Variants in GNG2 observed in about 807,000 individuals in gnomAD.
GNG2 encodes the protein G protein subunit gamma 2, also known as guanine nucleotide-binding protein G(I)/G(S)/G(O) subunit gamma-2.
A neutral mutation model predicts 5.5 loss-of-function variants in GNG2; 5 were observed. That is an observed-to-expected ratio of 0.91 (90% CI 0.48 to 1.92). The LOEUF (loss-of-function observed/expected upper bound fraction) is 1.92. Among genes scored for constraint, GNG2 ranks in the 30% most tolerant of loss-of-function variants. The probability of loss-of-function intolerance (pLI) is 0.01; values close to 1 mark genes in which losing one functional copy is unlikely to be tolerated. For synonymous variants in GNG2, 28 were observed against 32.0 expected, an observed-to-expected ratio of 0.88 and a Z score of 0.42; for missense variants, 55 against 88.4, an observed-to-expected ratio of 0.62 and a Z score of 1.52.
At chr14:51,884,749 G>A (rs1267811794) in intron 2 of GNG2, among the ~76,000 whole-genome samples, 1 of 152,182 alleles carries the variant, frequency 6.6e-6, no homozygotes, top group Non-Finnish European at 1.5e-5. Flanking sequence ...CTCCTCAGTG[G>A]CTATTCTGTT....
rs1251592728 is a variant in GNG2, at chr14:51,950,729, G to A, written c.51G>A (p.Glu17=). ...ASIAQARKLV[E]QLKMEANIDR... Reference sequence around the variant, plus strand: ...TAGCACAAGCCAGGAAGCTGGTAGAGCAGCTTAAGATGGAAGCCAATATCG... The same window carrying A: ...TAGCACAAGCCAGGAAGCTGGTAGAACAGCTTAAGATGGAAGCCAATATCG... Residue 17 remains glutamate, a synonymous_variant, in exon 3 of 4, where the codon GAG becomes GAA. Transcript: ENST00000556766. The A allele has an allele frequency of 1.2e-6, 2 of 1,611,608 alleles. No individual in the cohort carries two copies.
At chr14:51,890,416 A>G (rs1438752258) in intron 2 of GNG2, among the ~76,000 whole-genome samples, 1 of 152,218 alleles carries the variant, frequency 6.6e-6, no homozygotes, top group Non-Finnish European at 1.5e-5. Context: ...AAAGAAAGGT[A>G]TTCTTAACCC....
rs1323642411 is a variant in GNG2, at chr14:51,918,036, C to T, written c.-29-32614C>T. ...GAGAGACTCCATCTCAAAAAACAAACCAAAAAAAAAAAAAAAAACTGATAA... is the reference window on the plus strand; with the variant it reads ...GAGAGACTCCATCTCAAAAAACAAATCAAAAAAAAAAAAAAAAACTGATAA... On this transcript the variant is annotated intron_variant, in intron 2 of 3. Transcript: ENST00000556766. Among the ~76,000 whole-genome samples the T allele has an allele frequency of 1.7e-5, 2 of 116,028 alleles. 1 individual carries two copies. Among genetic ancestry groups the T allele is most frequent in the South Asian group, 5.4e-4 (2 of 3,736 alleles). 76.1% of individuals were successfully genotyped at this position (116,028 alleles called of 152,430 possible).
intron 2 of GNG2, among the ~76,000 whole-genome samples, chr14:51,944,740 G>T (rs1216303706): frequency 6.6e-6 from 1 of 152,168 alleles, no homozygotes; most frequent in Non-Finnish European, 1.5e-5. Flanking sequence ...CATTGAATTT[G>T]TATATAACAC....
chr14:51,933,143 A>G (rs1199757397), intron 2 of GNG2, among the ~76,000 whole-genome samples: 1 of 152,138 alleles, frequency 6.6e-6, no homozygotes, highest in Non-Finnish European at 1.5e-5. Flanking sequence ...CTGATTTCAA[A>G]CTCTAGCTTC....
intron 2 of GNG2, among the ~76,000 whole-genome samples, chr14:51,832,310 T>C (rs1594828047): frequency 6.6e-6 from 1 of 150,932 alleles, no homozygotes; most frequent in Non-Finnish European, 1.5e-5. Flanking sequence ...AAGAAAAAGA[T>C]GGCAAAGCTA....
chr14:51,945,864 C>T (rs1038195661), intron 2 of GNG2, among the ~76,000 whole-genome samples: 1 of 151,800 alleles, frequency 6.6e-6, no homozygotes, highest in Non-Finnish European at 1.5e-5. Context: ...AGGTAAACAT[C>T]GGAATGGGTT....
At chr14:51,845,785 G>A (rs1435356688) in intron 2 of GNG2, among the ~76,000 whole-genome samples, 1 of 152,132 alleles carries the variant, frequency 6.6e-6, no homozygotes, top group Non-Finnish European at 1.5e-5. Context: ...TTCCCCATCT[G>A]CACTTTTTAC....
At position 51,906,054 on chromosome 14, in the gene GNG2, A is replaced by G. The variant is rs542263529; in HGVS notation, c.-30+28397A>G. On this transcript the variant is annotated intron_variant, in intron 2 of 3. Transcript: ENST00000556766. The stretch of plus-strand genomic sequence containing the variant: ...CCCTTCGGTACAACAGAGAACTGAA[A>G]CAGATAGCATTTTCCTTCTTCACCC... Among the ~76,000 whole-genome samples, 98 of 152,316 alleles carry G rather than the reference A, an allele frequency of 6.4e-4. 3 individuals carry two copies. In the South Asian group the frequency reaches 0.019, roughly 30 times the overall value.
chr14:51,827,604 C>G lies in GNG2; in HGVS notation c.-76-64C>G, dbSNP rs1000009935. ...CTAGCTCAGCTTTGAGACTTGAGGT[C>G]AAATAATTAAAGCTGTGATTAGTGT... On this transcript the variant is annotated intron_variant, in intron 1 of 3. Transcript: ENST00000553432. The G allele has an allele frequency of 1.7e-5, 11 of 664,416 alleles. No individual in the cohort carries two copies. In the African/African-American group the frequency reaches 2.0e-4, roughly 12 times the overall value. 41.2% of individuals were successfully genotyped at this position (664,416 alleles called of 1,614,324 possible). A position where few individuals can be genotyped will look rare whatever the true frequency, so the allele number is the denominator to read the frequency against.
chr14:51,880,182 C>A (rs543155008), intron 2 of GNG2, among the ~76,000 whole-genome samples: 3 of 152,220 alleles, frequency 2.0e-5, no homozygotes, highest in Admixed American at 6.5e-5. Context: ...AGGTATGGCC[C>A]CTAGAGAGTA....
intron 1 of GNG2, among the ~76,000 whole-genome samples, chr14:51,870,995 A>T (rs1883257007): frequency 6.6e-6 from 1 of 152,232 alleles, no homozygotes; most frequent in Non-Finnish European, 1.5e-5. Context: ...TTAAACAGGA[A>T]AGTAAGTTAA....
intron 2 of GNG2, among the ~76,000 whole-genome samples, chr14:51,906,560 A>T (rs900300608): frequency 6.6e-6 from 1 of 152,154 alleles, no homozygotes; most frequent in African/African-American, 2.4e-5. Flanking sequence ...ATTTCTTTTT[A>T]AAAGCATTTT....
intron 2 of GNG2, among the ~76,000 whole-genome samples, chr14:51,930,149 G>A (rs1033001509): frequency 6.6e-6 from 1 of 152,184 alleles, no homozygotes; most frequent in African/African-American, 2.4e-5. Flanking sequence ...TCCTTTGTGT[G>A]TGCTGCTTTT....
At position 51,826,593 on chromosome 14, in the gene GNG2, C is replaced by T. The variant is rs1005869047; in HGVS notation, c.-77+363C>T. Among the ~76,000 whole-genome samples the T allele has an allele frequency of 4.0e-5, 6 of 151,814 alleles. No homozygotes were observed. The East Asian group carries it at 5.8e-4, about 15-fold the overall frequency. ...ATGCTGAGTGCAGTGATGTGGGTGG[C>T]GGAATGGAGGCATTGACCTGAAACA... On this transcript the variant is annotated intron_variant, in intron 1 of 3. Coordinates refer to the GNG2 transcript ENST00000553432.
chr14:51,851,006 A>T (rs1237209348), intron 2 of GNG2, among the ~76,000 whole-genome samples: 1 of 152,198 alleles, frequency 6.6e-6, no homozygotes, highest in East Asian at 1.9e-4. Flanking sequence ...AAAGCATATC[A>T]CCTGCATAGG....
chr14:51,847,742 G>C (rs1881687961), intron 2 of GNG2, among the ~76,000 whole-genome samples: 1 of 152,118 alleles, frequency 6.6e-6, no homozygotes, highest in African/African-American at 2.4e-5. Flanking sequence ...CTGACCTTTG[G>C]AGAGTCAAAT....
intron 3 of GNG2, among the ~76,000 whole-genome samples, chr14:51,955,079 A>G (rs1290063512): frequency 1.3e-5 from 2 of 152,218 alleles, no homozygotes; most frequent in African/African-American, 4.8e-5. Context: ...ATGTAAATTT[A>G]AGAGTAAAAG....
intron 2 of GNG2, among the ~76,000 whole-genome samples, chr14:51,913,558 G>A (rs149186785): frequency 6.6e-6 from 1 of 152,084 alleles, no homozygotes; most frequent in African/African-American, 2.4e-5. Context: ...GAAAGAACAG[G>A]TGCCATGGGA....
Sources: allele counts gnomAD v4.1 joint callset (sites outside exome capture counted in the v4.1 genomes callset), GRCh38; gene constraint gnomAD v4.1.1; transcripts MANE v1.5; gene names NCBI Gene and HGNC (gene_info 2026-07-23, HGNC 2026-07-21).